ATRNL1: variants seen among roughly 807,000 people sequenced by gnomAD.
The protein encoded by ATRNL1 is attractin-like protein 1.
ATRNL1 carries 95 observed loss-of-function variants against 182.7 expected under a neutral mutation model. The ratio of observed to expected loss-of-function variants is 0.52; its 90% CI spans 0.44 to 0.62. The LOEUF is 0.62. Among genes scored for constraint, ATRNL1 ranks in the 20% least tolerant of loss-of-function variants. ATRNL1 has a pLI of 0.00. For missense variants in ATRNL1, 1,471 were observed against 1,679.5 expected, an observed-to-expected ratio of 0.88 and a Z score of 2.17; for synonymous variants, 576 against 568.3, an observed-to-expected ratio of 1.01 and a Z score of -0.19.
At chr10:115,697,289 C>T (rs1946594746) in intron 26 of ATRNL1, among the ~76,000 whole-genome samples, 1 of 151,998 alleles carries the variant, frequency 6.6e-6, no homozygotes, top group Non-Finnish European at 1.5e-5. Context: ...TGTATTCTGC[C>T]ATGTTAACAG....
intron 19 of ATRNL1, among the ~76,000 whole-genome samples, chr10:115,353,367 A>G (rs536260225): frequency 1.3e-5 from 2 of 152,268 alleles, no homozygotes; most frequent in East Asian, 3.9e-4. Flanking sequence ...AATCTATTTT[A>G]TCTGACATAG....
chr10:115,596,959 G>A (rs1555014175), intron 26 of ATRNL1, among the ~76,000 whole-genome samples: 1 of 149,478 alleles, frequency 6.7e-6, no homozygotes, highest in East Asian at 2.0e-4. Context: ...ATTTATTTTG[G>A]TTGCCAATAA....
chr10:115,135,911 G>T (rs1687519192), intron 5 of ATRNL1, among the ~76,000 whole-genome samples: 1 of 133,626 alleles, frequency 7.5e-6, no homozygotes, highest in Non-Finnish European at 1.7e-5. Context: ...TCAGGCTAGA[G>T]TGCAGTGGCA....
Position 115,315,731 on chromosome 10 carries a change from G to A in ATRNL1, c.3032G>A (p.Cys1011Tyr). The A allele has an allele frequency of 6.2e-7, 1 of 1,610,640 alleles. No individual in the cohort carries two copies. Among genetic ancestry groups the A allele is most frequent in the Non-Finnish European group, 8.5e-7 (1 of 1,178,296 alleles). The change falls in exon 18 of 29, where the codon TGT becomes TAT. Residue 1011 changes from cysteine to tyrosine, a missense_variant. By Grantham distance (194) the Cys-to-Tyr change is radical (BLOSUM62 -2). Coordinates refer to ENST00000355044, the MANE Select transcript of ATRNL1 (RefSeq NM_207303.4). Reference protein sequence around the residue: ...EKNYEWSFIQCPACQCNGHST... With the variant: ...EKNYEWSFIQYPACQCNGHST... Reference sequence around the variant, plus strand: ...AACTATGAGTGGTCCTTTATCCAGTGTCCAGGTAATAATAATGTAATGGAA... The same window carrying A: ...AACTATGAGTGGTCCTTTATCCAGTATCCAGGTAATAATAATGTAATGGAA...
rs1326944223 is a variant in ATRNL1 at position 115,305,938 on chromosome 10, T to C, written c.2818+3895T>C. On this transcript the variant is annotated intron_variant, in intron 17 of 28. Transcript: ENST00000355044. ...TGTTTATAGGAATTTATTAATCTTA[T>C]ATTTTTCTTTATGTAATTGTATGTG... Among the ~76,000 whole-genome samples, 3 of 152,216 alleles carry C rather than the reference T, an allele frequency of 2.0e-5. No homozygotes were observed. The East Asian group carries it at 5.8e-4, about 29-fold the overall frequency.
Position 115,530,940 on chromosome 10 carries a change from C to G in ATRNL1, c.3716+11616C>G, listed in dbSNP as rs1292643266. ...GATGATTTCCAATTTCATCCATGTCCCTACAAAGGGCATGAACTCATCATT... is the reference window on the plus strand; with the variant it reads ...GATGATTTCCAATTTCATCCATGTCGCTACAAAGGGCATGAACTCATCATT... On this transcript the variant is annotated intron_variant, in intron 25 of 28. Transcript: ENST00000355044. 2.6e-5 allele frequency among the ~76,000 whole-genome samples: 4 copies of G among 151,998 alleles called. No homozygotes were observed. In the East Asian group the frequency reaches 7.8e-4, roughly 29 times the overall value.
At chr10:115,241,754 A>C (rs1181935941) in intron 10 of ATRNL1, 29 bp downstream of exon 10, 34 of 1,571,026 alleles carry the variant, frequency 2.2e-5, no homozygotes, top group Non-Finnish European at 3.0e-5. Context: ...TGTACAAAGT[A>C]GGAAATATCA....
intron 21 of ATRNL1, among the ~76,000 whole-genome samples, chr10:115,435,746 CCTTT>C (rs1343843754): frequency 6.6e-5 from 10 of 152,282 alleles, no homozygotes; most frequent in Admixed American, 4.6e-4. Context: ...ATATCACAAA[CCTTT>C]TGTTTCCATC....
rs117682766 is a variant in ATRNL1 at position 115,235,454 on chromosome 10, G to A, written c.1533-6117G>A. 5.4e-3 allele frequency among the ~76,000 whole-genome samples: 825 copies of A among 151,900 alleles called. 3 individuals carry two copies. The highest frequency in any genetic ancestry group is 0.031 in the South Asian group (146 of 4,782). On this transcript the variant is annotated intron_variant, in intron 9 of 28. Coordinates refer to ENST00000355044, the MANE Select transcript of ATRNL1 (RefSeq NM_207303.4). ...TCTCTCTATGGATTTGTCTAATCTG[G>A]ATATTTTGTATGTATGGAATTGTAC...
At chr10:115,904,563 A>T (rs531776222) in intron 28 of ATRNL1, among the ~76,000 whole-genome samples, 52 of 152,326 alleles carry the variant, frequency 3.4e-4, no homozygotes, top group Middle Eastern at 3.4e-3. Context: ...CATCCATGAA[A>T]TTAGCTCCAA....
intron 28 of ATRNL1, among the ~76,000 whole-genome samples, chr10:115,863,507 GT>G (rs144890323): frequency 3.3e-5 from 5 of 152,336 alleles, no homozygotes; most frequent in Non-Finnish European, 5.9e-5. Flanking sequence ...ATGAGAGCTA[GT>G]TTTCTCACTG....
intron 26 of ATRNL1, among the ~76,000 whole-genome samples, chr10:115,678,989 G>A (rs1028958373): frequency 3.9e-5 from 6 of 152,038 alleles, no homozygotes; most frequent in African/African-American, 1.4e-4. Context: ...TTCAAAAATG[G>A]GAAAAATAGC....
At chr10:115,313,226 T>G (rs1442493428) in intron 17 of ATRNL1, among the ~76,000 whole-genome samples, 1 of 152,110 alleles carries the variant, frequency 6.6e-6, no homozygotes, top group African/African-American at 2.4e-5. Flanking sequence ...TTGCCAGAAT[T>G]ATTTTTCTGG....
intron 19 of ATRNL1, among the ~76,000 whole-genome samples, chr10:115,366,195 G>A (rs12356952): frequency 0.22 from 33,750 of 152,020 alleles, 4,692 homozygotes; most frequent in Non-Finnish European, 0.31. Flanking sequence ...TATGAATCTA[G>A]GTGCTCCTGT....
At chr10:115,807,183 T>C (rs1555085832) in intron 27 of ATRNL1, among the ~76,000 whole-genome samples, 2 of 151,638 alleles carry the variant, frequency 1.3e-5, no homozygotes, top group Non-Finnish European at 2.9e-5. Flanking sequence ...TGGCATGATC[T>C]CAGCTCACTG....
At chr10:115,626,660 C>T (rs548893295) in intron 26 of ATRNL1, among the ~76,000 whole-genome samples, 70 of 152,090 alleles carry the variant, frequency 4.6e-4, no homozygotes, top group Non-Finnish European at 7.9e-4. Flanking sequence ...ACTTGCAAAT[C>T]GCTTTCTCAG....
At chr10:115,769,232 G>GTA (rs774212170) in intron 27 of ATRNL1, among the ~76,000 whole-genome samples, 65 of 152,166 alleles carry the variant, frequency 4.3e-4, no homozygotes, top group Non-Finnish European at 6.5e-4. Context: ...ACAAGAAACC[G>GTA]TATAGGTTTC....
At chr10:115,812,665 A>ACGGGGG (rs1440840483) in intron 27 of ATRNL1, among the ~76,000 whole-genome samples, 1 of 152,032 alleles carries the variant, frequency 6.6e-6, no homozygotes, top group Non-Finnish European at 1.5e-5. Context: ...TTTAGTAGAA[A>ACGGGGG]CGGGGTTTCA....
At chr10:115,159,463 A>C (rs553753600) in intron 5 of ATRNL1, among the ~76,000 whole-genome samples, 1 of 150,730 alleles carries the variant, frequency 6.6e-6, no homozygotes, top group East Asian at 1.9e-4. Flanking sequence ...ATGATGCATA[A>C]TTTTTTTTTC....
Sources: allele counts gnomAD v4.1 joint callset (sites outside exome capture counted in the v4.1 genomes callset), GRCh38; gene constraint gnomAD v4.1.1; transcripts MANE v1.5; gene names NCBI Gene and HGNC (gene_info 2026-07-23, HGNC 2026-07-21).